KCNJ3: variants seen among roughly 807,000 people sequenced by gnomAD.
KCNJ3 encodes the protein G protein-activated inward rectifier potassium channel 1.
Under a neutral mutation model 39.2 loss-of-function variants are expected in KCNJ3, and 4 were observed. That is an observed-to-expected ratio of 0.10 (90% CI 0.05 to 0.23). KCNJ3 has a LOEUF of 0.23. Among genes scored for constraint, KCNJ3 ranks in the 10% least tolerant of loss-of-function variants. The pLI is 1.00. For synonymous variants in KCNJ3, 230 were observed against 237.4 expected (o/e 0.97, Z 0.29); for missense variants, 276 against 634.9 (o/e 0.43, Z 6.08).
At chr2:154,703,472 C>CAT (rs144343878) in intron 1 of KCNJ3, among the ~76,000 whole-genome samples, 43,030 of 141,794 alleles carry the variant, frequency 0.3, 7,489 homozygotes, top group Non-Finnish European at 0.39. Flanking sequence ...TTTTATCCTC[C>CAT]ATATATATGT....
chr2:154,764,599 G>A lies in KCNJ3; in HGVS notation c.919+54780G>A, dbSNP rs534101949. Among the ~76,000 whole-genome samples, 3 of 152,178 alleles carry A rather than the reference G, an allele frequency of 2.0e-5. No homozygotes were observed. The South Asian group carries it at 6.2e-4, about 32-fold the overall frequency. ...TTGAGAATTACTGCAATTTTCTACA[G>A]CCGGTGGTGTCCAATCTTTTGGCTT... On this transcript the variant is annotated intron_variant, in intron 2 of 2. Transcript: ENST00000295101.
intron 2 of KCNJ3, among the ~76,000 whole-genome samples, chr2:154,757,045 T>C (rs530223728): frequency 2.6e-5 from 4 of 152,062 alleles, no homozygotes; most frequent in Non-Finnish European, 5.9e-5. Context: ...AAATAAAAAA[T>C]GAATTTAAAA....
chr2:154,844,917 C>G (rs114437627), intron 2 of KCNJ3, among the ~76,000 whole-genome samples: 8,804 of 152,228 alleles, frequency 0.058, 305 homozygotes, highest in Middle Eastern at 0.075. Context: ...GAGGCGACGC[C>G]TTGCCCTGCC....
intron 2 of KCNJ3, among the ~76,000 whole-genome samples, chr2:154,722,523 T>A (rs1205202635): frequency 6.6e-6 from 1 of 152,142 alleles, no homozygotes; most frequent in African/African-American, 2.4e-5. Flanking sequence ...GACATTCATA[T>A]GGTTAGAGGT....
chr2:154,836,658 C>T (rs916309858), intron 2 of KCNJ3, among the ~76,000 whole-genome samples: 1 of 151,888 alleles, frequency 6.6e-6, no homozygotes, highest in Non-Finnish European at 1.5e-5. Flanking sequence ...ATTTTCGCAA[C>T]CAAAATACAA....
chr2:154,821,517 T>G (rs1687177163), intron 2 of KCNJ3, among the ~76,000 whole-genome samples: 2 of 152,168 alleles, frequency 1.3e-5, no homozygotes, highest in Admixed American at 1.3e-4. Flanking sequence ...ATTAGTGTAT[T>G]TTGTACTTTC....
chr2:154,829,506 A>C (rs1687326742), intron 2 of KCNJ3, among the ~76,000 whole-genome samples: 1 of 152,116 alleles, frequency 6.6e-6, no homozygotes, highest in Non-Finnish European at 1.5e-5. Flanking sequence ...TATATGTATC[A>C]CACTTTTAAA....
At chr2:154,807,360 G>T (rs1686928890) in intron 2 of KCNJ3, among the ~76,000 whole-genome samples, 1 of 152,166 alleles carries the variant, frequency 6.6e-6, no homozygotes, top group African/African-American at 2.4e-5. Flanking sequence ...CACCCTTGGA[G>T]GGAAAATGTT....
chr2:154,711,060 T>A (rs1037091941), intron 2 of KCNJ3, among the ~76,000 whole-genome samples: 1 of 152,124 alleles, frequency 6.6e-6, no homozygotes, highest in East Asian at 1.9e-4. Flanking sequence ...CTATTATTAT[T>A]ACGATTTTAA....
intron 2 of KCNJ3, among the ~76,000 whole-genome samples, chr2:154,760,553 TTC>T (rs952572514): frequency 8.6e-5 from 13 of 150,308 alleles, no homozygotes; most frequent in Non-Finnish European, 7.4e-5. Flanking sequence ...ACTTCTCTCT[TTC>T]TCTCTCTCTC....
intron 2 of KCNJ3, among the ~76,000 whole-genome samples, chr2:154,820,462 G>T (rs1399324317): frequency 6.6e-6 from 1 of 152,148 alleles, no homozygotes; most frequent in Non-Finnish European, 1.5e-5. Flanking sequence ...ATCACATCAG[G>T]AGACGCAACA....
At chr2:154,846,666 A>ATGAT (rs1345979214) in intron 2 of KCNJ3, among the ~76,000 whole-genome samples, 2 of 152,164 alleles carry the variant, frequency 1.3e-5, no homozygotes, top group African/African-American at 4.8e-5. Context: ...TTTCAGCAAT[A>ATGAT]TGATTGTGAA....
chr2:154,763,568 AG>A (rs1411112949), intron 2 of KCNJ3, among the ~76,000 whole-genome samples: 1 of 152,188 alleles, frequency 6.6e-6, no homozygotes, highest in African/African-American at 2.4e-5. Context: ...TACTCACTTC[AG>A]GGTCTTCCCA....
At chr2:154,709,494 A>T in intron 1 of KCNJ3, 109 bp from the exon 2 acceptor site, 1 of 1,109,090 alleles carries the variant, frequency 9.0e-7, no homozygotes, top group Non-Finnish European at 1.3e-6. Flanking sequence ...ATTTTGTTGC[A>T]GATGATTGAT....
rs1340973010 is a variant in KCNJ3, at chr2:154,765,086, C to T, written c.919+55267C>T. ...GAAAGGGCATGAGGGCTGTGCTATG[C>T]ATTTTAGGTGTTTAGCAGCATCTCT... On this transcript the variant is annotated intron_variant, in intron 2 of 2. Coordinates refer to ENST00000295101, the MANE Select transcript of KCNJ3 (RefSeq NM_002239.4). 2.0e-5 allele frequency among the ~76,000 whole-genome samples: 3 copies of T among 152,280 alleles called. No homozygotes were observed. In the East Asian group the frequency reaches 5.8e-4, roughly 29 times the overall value.
At chr2:154,729,161 A>T (rs904082100) in intron 2 of KCNJ3, among the ~76,000 whole-genome samples, 3 of 152,172 alleles carry the variant, frequency 2.0e-5, no homozygotes, top group African/African-American at 7.2e-5. Context: ...CTTTTTAGTG[A>T]GTGCCAGAAA....
Position 154,747,733 on chromosome 2 carries a change from T to C in KCNJ3, c.919+37914T>C, listed in dbSNP as rs1685772516. On this transcript the variant is annotated intron_variant, in intron 2 of 2. Coordinates refer to ENST00000295101, the MANE Select transcript of KCNJ3 (RefSeq NM_002239.4). ...CCCAAGAGAAATGAAATTAGAGTTG[T>C]AGGTTTGGAAGTGGAAAAACCTTCA... 2.0e-5 allele frequency among the ~76,000 whole-genome samples: 3 copies of C among 152,062 alleles called. No individual in the cohort carries two copies. In the South Asian group the frequency reaches 6.2e-4, roughly 32 times the overall value.
intron 2 of KCNJ3, among the ~76,000 whole-genome samples, chr2:154,853,885 C>T (rs1370460421): frequency 6.6e-6 from 1 of 152,144 alleles, no homozygotes; most frequent in Non-Finnish European, 1.5e-5. Context: ...TAGCCAGCAA[C>T]CAGTTCCAGA....
In KCNJ3 at chr2:154,725,253, ACTTCT is replaced by A. The variant is rs555226074; in HGVS notation, c.919+15440_919+15444del. 3.2e-3 allele frequency among the ~76,000 whole-genome samples: 486 copies of A among 149,988 alleles called. 1 individual carries two copies. Among genetic ancestry groups the A allele is most frequent in the Non-Finnish European group, 5.8e-3 (391 of 67,448 alleles). ...TGTTCTGTTTTTTTTTTTTCTCCAAACTTCTCTTCTATAGACACGTCCTCTACTAC... is the reference window on the plus strand; with the variant it reads ...TGTTCTGTTTTTTTTTTTTCTCCAAACTTCTATAGACACGTCCTCTACTAC... On this transcript the variant is annotated intron_variant, in intron 2 of 2. Coordinates refer to ENST00000295101, the MANE Select transcript of KCNJ3 (RefSeq NM_002239.4).
Sources: allele counts gnomAD v4.1 joint callset (sites outside exome capture counted in the v4.1 genomes callset), GRCh38; gene constraint gnomAD v4.1.1; transcripts MANE v1.5; gene names NCBI Gene and HGNC (gene_info 2026-07-23, HGNC 2026-07-21).